ANO6: variants seen among roughly 807,000 people sequenced by gnomAD.
ANO6 encodes the protein anoctamin-6.
A neutral mutation model predicts 117.5 loss-of-function variants in ANO6; 106 were observed. The ratio of observed to expected loss-of-function variants is 0.90; its 90% CI spans 0.77 to 1.06. ANO6 has a LOEUF of 1.06. Ranked by LOEUF, ANO6 falls within the 50% of genes least tolerant of loss-of-function variation. ANO6 has a pLI of 0.00. For missense variants in ANO6, 955 were observed against 1,121.1 expected (o/e 0.85, Z 2.12); for synonymous variants, 367 against 385.1 (o/e 0.95, Z 0.55).
intron 11 of ANO6, among the ~76,000 whole-genome samples, chr12:45,389,224 C>T (rs748375664): frequency 6.6e-6 from 1 of 152,152 alleles, no homozygotes; most frequent in Non-Finnish European, 1.5e-5. Flanking sequence ...TGGGAAAAAA[C>T]GAGGTTCAAT....
intron 16 of ANO6, among the ~76,000 whole-genome samples, chr12:45,411,929 C>G (rs567172392): frequency 6.6e-6 from 1 of 151,994 alleles, no homozygotes; most frequent in Non-Finnish European, 1.5e-5. Flanking sequence ...GTGCCTGGAA[C>G]CTTATACTCA....
intron 1 of ANO6, among the ~76,000 whole-genome samples, chr12:45,219,180 CT>C (rs1358206985): frequency 2.0e-5 from 3 of 152,012 alleles, no homozygotes; most frequent in Non-Finnish European, 2.9e-5. Flanking sequence ...AGACCTCCCC[CT>C]CCCCCCAAAA....
chr12:45,350,778 A>T lies in ANO6; in HGVS notation c.863+4A>T. On this transcript the variant is annotated splice_donor_region_variant and intron_variant, in intron 7 of 19. Transcript: ENST00000320560. ...AGCAGCCCTTGGATCTTATCAGGTG[A>T]GGGGTTGTAGGGAGTACTCCAGGGG... 1.2e-6 allele frequency: 2 copies of T among 1,610,082 alleles called. No individual in the cohort carries two copies. The highest frequency in any genetic ancestry group is 1.7e-6 in the Non-Finnish European group (2 of 1,177,200).
intron 10 of ANO6, among the ~76,000 whole-genome samples, chr12:45,384,904 A>G (rs1942257615): frequency 6.6e-6 from 1 of 152,212 alleles, no homozygotes; most frequent in Admixed American, 6.5e-5. Flanking sequence ...AGCACGATAA[A>G]TCAAGGTACA....
chr12:45,368,569 G>A (rs1034620372), intron 9 of ANO6, among the ~76,000 whole-genome samples: 2 of 152,170 alleles, frequency 1.3e-5, no homozygotes, highest in African/African-American at 2.4e-5. Context: ...AATTTGGGAG[G>A]TTTCAGACGA....
intron 1 of ANO6, among the ~76,000 whole-genome samples, chr12:45,238,381 C>T (rs1486157055): frequency 6.6e-6 from 1 of 152,012 alleles, no homozygotes; most frequent in Non-Finnish European, 1.5e-5. Context: ...GAACTCCCAA[C>T]CTCAGGTGAT....
intron 19 of ANO6, among the ~76,000 whole-genome samples, chr12:45,424,357 A>ATTTG (rs1555181084): frequency 2.5e-5 from 3 of 118,642 alleles, no homozygotes; most frequent in Admixed American, 9.4e-5. Context: ...TTTTTTTTTA[A>ATTTG]AGACAGAGTC....
chr12:45,239,543 T>G (rs776555943), intron 1 of ANO6, among the ~76,000 whole-genome samples: 3 of 152,134 alleles, frequency 2.0e-5, no homozygotes, highest in Admixed American at 6.6e-5. Flanking sequence ...TGTTTCTGTT[T>G]CCTTTAGTTC....
At chr12:45,382,548 G>T (rs570363467) in intron 10 of ANO6, among the ~76,000 whole-genome samples, 1 of 152,156 alleles carries the variant, frequency 6.6e-6, no homozygotes, top group Non-Finnish European at 1.5e-5. Context: ...CCAGTAAACT[G>T]TCAATGCTTC....
chr12:45,433,230 C>T (rs1478329442), downstream of ANO6, among the ~76,000 whole-genome samples: 1 of 152,222 alleles, frequency 6.6e-6, no homozygotes, highest in African/African-American at 2.4e-5. Context: ...GAAGCCTTCC[C>T]ACTCTTCTGC....
chr12:45,259,491 G>A (rs1937949244), intron 1 of ANO6, among the ~76,000 whole-genome samples: 1 of 152,180 alleles, frequency 6.6e-6, no homozygotes, highest in Admixed American at 6.5e-5. Flanking sequence ...AAACTGATGT[G>A]AAGACAAATA....
At chr12:45,379,615 G>T (rs1465066777) in intron 10 of ANO6, among the ~76,000 whole-genome samples, 1 of 152,192 alleles carries the variant, frequency 6.6e-6, no homozygotes, top group African/African-American at 2.4e-5. Context: ...GAATCATAAT[G>T]TATAACATTC....
intron 3 of ANO6, among the ~76,000 whole-genome samples, chr12:45,334,106 T>C (rs1264753359): frequency 6.6e-6 from 1 of 152,068 alleles, no homozygotes; most frequent in Non-Finnish European, 1.5e-5. Flanking sequence ...GGGCCACTCA[T>C]ATGACCAAAA....
rs147533222 is a variant in ANO6, at chr12:45,390,430, C to A, written c.1318C>A (p.Arg440Ser). 2 of 1,613,704 alleles carry A rather than the reference C, an allele frequency of 1.2e-6. No individual in the cohort carries two copies. The highest frequency in any genetic ancestry group is 2.2e-5 in the South Asian group (2 of 91,042). ...VINEITQEEERIPFTAWGKCI... is the reference protein window; with the variant it reads ...VINEITQEEESIPFTAWGKCI... ...TTGTTTTTGTAATTAGGAAGAAGAACGCATTCCCTTTACTGCCTGGGGAAA... is the reference window on the plus strand; with the variant it reads ...TTGTTTTTGTAATTAGGAAGAAGAAAGCATTCCCTTTACTGCCTGGGGAAA... The change falls in exon 12 of 20, where the codon CGC (arginine) becomes AGC (serine). Residue 440 changes from arginine to serine, a missense_variant. Physicochemically the swap from Arg to Ser is moderately radical, Grantham distance 110. Coordinates refer to ENST00000320560, the MANE Select transcript of ANO6 (RefSeq NM_001025356.3).
intron 3 of ANO6, among the ~76,000 whole-genome samples, chr12:45,335,891 TA>T (rs1761992811): frequency 6.6e-6 from 1 of 152,018 alleles, no homozygotes. Context: ...TTAGTTTTAG[TA>T]GTTTCTAATA....
intron 2 of ANO6, 40 bp from the exon 3 acceptor site, chr12:45,331,255 A>G (rs1940651705): frequency 6.4e-7 from 1 of 1,558,278 alleles, no homozygotes; most frequent in Admixed American, 1.8e-5. Flanking sequence ...CATTTTTTCA[A>G]AAAATTATAT....
chr12:45,239,176 T>C (rs1947697442), intron 1 of ANO6, among the ~76,000 whole-genome samples: 1 of 152,226 alleles, frequency 6.6e-6, no homozygotes, highest in South Asian at 2.1e-4. Context: ...GGTCCTGGAC[T>C]TTTTTTGGTT....
chr12:45,240,730 T>C (rs1241666935), intron 1 of ANO6, among the ~76,000 whole-genome samples: 3 of 152,230 alleles, frequency 2.0e-5, no homozygotes, highest in Admixed American at 6.5e-5. Flanking sequence ...TCAGGAGCTC[T>C]TGTAAGGCAG....
At chr12:45,218,766 T>C (rs1218779740) in intron 1 of ANO6, among the ~76,000 whole-genome samples, 5 of 152,186 alleles carry the variant, frequency 3.3e-5, no homozygotes, top group Non-Finnish European at 5.9e-5. Flanking sequence ...GAAATGAAGA[T>C]AATTTTAACC....
Sources: allele counts gnomAD v4.1 joint callset (sites outside exome capture counted in the v4.1 genomes callset), GRCh38; gene constraint gnomAD v4.1.1; transcripts MANE v1.5; gene names NCBI Gene and HGNC (gene_info 2026-07-23, HGNC 2026-07-21).